KCNJ5: variants seen among roughly 807,000 people sequenced by gnomAD.
KCNJ5 encodes the protein G protein-activated inward rectifier potassium channel 4.
In KCNJ5, 12 loss-of-function variants were observed where a neutral mutation model predicts 20.2. That is an observed-to-expected ratio of 0.59 (90% CI 0.38 to 0.96). The LOEUF (loss-of-function observed/expected upper bound fraction) is 0.96, where lower values mean the gene tolerates loss of function less well. Ranked by LOEUF, KCNJ5 falls within the 40% of genes least tolerant of loss-of-function variation. KCNJ5 has a pLI of 0.00. For synonymous variants in KCNJ5, 210 were observed against 213.9 expected (o/e 0.98, Z 0.16); for missense variants, 449 against 557.6 (o/e 0.81, Z 1.96).
Position 128,911,991 on chromosome 11 carries a change from A to G in KCNJ5, c.718A>G (p.Lys240Glu), listed in dbSNP as rs1944510794. 1 of 1,605,304 alleles carries G rather than the reference A, an allele frequency of 6.2e-7. No individual in the cohort carries two copies. The highest frequency in any genetic ancestry group is 1.7e-5 in the Admixed American group (1 of 59,604). ...GGCCTCCATCCGGGCCAAGCTCATC[A>G]AGTCCCGGCAGACCAAAGAGGGGGA... Reference protein sequence around the residue: ...VEASIRAKLIKSRQTKEGEFI... With the variant: ...VEASIRAKLIESRQTKEGEFI... The change falls in exon 2 of 3, where the codon AAG becomes GAG. Residue 240 changes from lysine to glutamate, a missense_variant. Lys to Glu is a moderately conservative substitution (Grantham distance 56). Coordinates refer to ENST00000529694, the MANE Select transcript of KCNJ5 (RefSeq NM_000890.5). This position sits in a 1 kb window ranked among gnomAD's most constrained non-coding sequence, Gnocchi z 6.3.
At chr11:128,900,309 T>TTC (rs1277277430) in intron 1 of KCNJ5, 1 of 152,236 alleles carries the variant, frequency 6.6e-6, no homozygotes, top group African/African-American at 2.4e-5. Flanking sequence ...CATTTAATCC[T>TTC]TCTCTCTCTG....
At chr11:128,893,085 G>A (rs568826553) in intron 1 of KCNJ5, among the ~76,000 whole-genome samples, 12 of 152,204 alleles carry the variant, frequency 7.9e-5, no homozygotes, top group African/African-American at 2.7e-4. Flanking sequence ...TGAATGAGGC[G>A]CTCAGGCTTC....
rs1202938201 is a variant in KCNJ5, at chr11:128,911,185, G to A, written c.-10-79G>A. On this transcript the variant is annotated intron_variant, in intron 1 of 2. Coordinates refer to ENST00000529694, the MANE Select transcript of KCNJ5 (RefSeq NM_000890.5). The surrounding 1 kb of genome is among the most constrained non-coding windows in gnomAD (Gnocchi z 6.3). ...AGAAGAGAAGCCTGGGAGAGCCCCG[G>A]GGTGGGGGTGGCCTTCCATCTTGTG... is the stretch of plus-strand genomic sequence containing the variant. The A allele has an allele frequency of 1.7e-6, 2 of 1,148,888 alleles. No individual in the cohort carries two copies. Among genetic ancestry groups the A allele is most frequent in the Admixed American group, 3.6e-5 (2 of 55,130 alleles). The allele number at this position is 1,148,888 out of a possible 1,614,324, so 71.2% of individuals were successfully genotyped here. A position where few individuals can be genotyped will look rare whatever the true frequency, so the allele number is the denominator to read the frequency against.
In KCNJ5 at chr11:128,918,555, AACTGGCCTTTGAG is replaced by A. The variant is rs932872064; in HGVS notation, c.*1826_*1838del. On this transcript the variant is annotated 3_prime_UTR_variant, in exon 3 of 3. Coordinates refer to ENST00000529694, the MANE Select transcript of KCNJ5 (RefSeq NM_000890.5). ...CTCACCCACAGTATTCACAGCTCTC[AACTGGCCTTTGAG>A]AATGGAAGCCTTTTCCTGCCCTGGA... 3.3e-5 allele frequency: 5 copies of A among 152,306 alleles called. No individual in the cohort carries two copies. The highest frequency in any genetic ancestry group is 7.3e-5 in the Non-Finnish European group (5 of 68,108). The allele number at this position is 152,306 out of a possible 1,614,324, so 9.4% of individuals were successfully genotyped here. A position where few individuals can be genotyped will look rare whatever the true frequency, so the allele number is the denominator to read the frequency against.
intron 1 of KCNJ5, chr11:128,903,365 A>G (rs1408259038): frequency 1.2e-6 from 2 of 1,613,938 alleles, no homozygotes; most frequent in African/African-American, 1.3e-5. Context: ...AGCTGCACTC[A>G]CCTCACACAG....
chr11:128,895,377 C>T (rs1480049742), intron 1 of KCNJ5, among the ~76,000 whole-genome samples: 2 of 42,266 alleles, frequency 4.7e-5, no homozygotes, highest in Non-Finnish European at 9.8e-5. Context: ...TTAGAGTGTG[C>T]CCCCACCCCC....
chr11:128,912,497 G>A (rs1312665072), intron 2 of KCNJ5, among the ~76,000 whole-genome samples: 2 of 102,504 alleles, frequency 2.0e-5, no homozygotes, highest in Admixed American at 2.1e-4. Context: ...GTGGGTTATT[G>A]TTGTTGTTGT....
intron 1 of KCNJ5, among the ~76,000 whole-genome samples, chr11:128,898,330 T>C (rs915152452): frequency 1.9e-4 from 29 of 152,260 alleles, no homozygotes; most frequent in African/African-American, 7.0e-4. Context: ...GTTTCTTTCT[T>C]TGGCATTTTG....
rs540948816 is a variant in KCNJ5 at position 128,916,810 on chromosome 11, G to T, written c.*79G>T. 2 of 1,129,100 alleles carry T rather than the reference G, an allele frequency of 1.8e-6. No individual in the cohort carries two copies. Among genetic ancestry groups the T allele is most frequent in the African/African-American group, 3.1e-5 (2 of 63,736 alleles). The allele number at this position is 1,129,100 out of a possible 1,614,324, so 69.9% of individuals were successfully genotyped here. A position where few individuals can be genotyped will look rare whatever the true frequency, so the allele number is the denominator to read the frequency against. ...TGCAGAGCCTGGGAGCAGGGGAGGG[G>T]AATAGTTGAGTGTGCTGTTTGGGGG... On this transcript the variant is annotated 3_prime_UTR_variant, in exon 3 of 3. Transcript: ENST00000529694.
intron 1 of KCNJ5, chr11:128,903,226 T>C: frequency 1.9e-6 from 2 of 1,054,204 alleles, no homozygotes; most frequent in African/African-American, 1.6e-5. Flanking sequence ...TTTAAATGTT[T>C]CTCTACATCA....
At chr11:128,904,592 G>T in intron 1 of KCNJ5, 4 of 870,310 alleles carry the variant, frequency 4.6e-6, no homozygotes, top group Non-Finnish European at 6.0e-6. Context: ...GCAAAACCGC[G>T]GACTCTGGAA....
intron 1 of KCNJ5, among the ~76,000 whole-genome samples, chr11:128,908,348 G>A (rs543714395): frequency 2.0e-5 from 3 of 152,328 alleles, no homozygotes; most frequent in Admixed American, 2.0e-4. Flanking sequence ...ATTTATAGCA[G>A]AGTAAACTGA....
chr11:128,911,645 A>C lies in KCNJ5; in HGVS notation c.372A>C (p.Gln124His). The C allele has an allele frequency of 2.5e-6, 4 of 1,614,220 alleles. No individual in the cohort carries two copies. Among genetic ancestry groups the C allele is most frequent in the African/African-American group, 2.7e-5 (2 of 75,050 alleles). ...IRGDLDHVGDQEWIPCVENLS... is the reference protein window; with the variant it reads ...IRGDLDHVGDHEWIPCVENLS... ...GTGACCTGGACCATGTTGGCGACCA[A>C]GAGTGGATTCCTTGTGTTGAAAACC... The change falls in exon 2 of 3, where the codon CAA becomes CAC. Residue 124 changes from glutamine to histidine, a missense_variant. Physicochemically the swap from Gln to His is conservative, Grantham distance 24. This residue lies in a region of KCNJ5 where 203 missense variants were observed against 258.0 expected (regional missense o/e 0.79). Transcript: ENST00000529694. This position sits in a 1 kb window ranked among gnomAD's most constrained non-coding sequence, Gnocchi z 6.3.
chr11:128,892,622 C>T (rs1022695742), intron 1 of KCNJ5, among the ~76,000 whole-genome samples: 13 of 152,200 alleles, frequency 8.5e-5, no homozygotes, highest in African/African-American at 2.7e-4. Flanking sequence ...CCTCATTCTA[C>T]AGGTGAAAAA....
chr11:128,892,829 G>T (rs1482202657), intron 1 of KCNJ5, among the ~76,000 whole-genome samples: 1 of 152,174 alleles, frequency 6.6e-6, no homozygotes, highest in Non-Finnish European at 1.5e-5. Context: ...AGCTATATAC[G>T]TTTACATGAG....
chr11:128,902,117 G>T, intron 1 of KCNJ5: 1 of 183,964 alleles, frequency 5.4e-6, no homozygotes, highest in Non-Finnish European at 1.1e-5. Flanking sequence ...CATGCCTGGA[G>T]CCCCTGGGAG....
At chr11:128,916,274 A>AT in intron 2 of KCNJ5, 135 bp from the exon 3 acceptor site, 2 of 717,840 alleles carry the variant, frequency 2.8e-6, no homozygotes, top group Non-Finnish European at 2.5e-6. Flanking sequence ...GGATGGATGG[A>AT]TGGATGAACA....
intron 1 of KCNJ5, chr11:128,901,203 G>T (rs146957011): frequency 6.6e-6 from 1 of 152,228 alleles, no homozygotes; most frequent in South Asian, 2.1e-4. Flanking sequence ...AAGTCAGGCC[G>T]CTGTCAGTTC....
chr11:128,894,599 T>C (rs1175438666), intron 1 of KCNJ5, among the ~76,000 whole-genome samples: 1 of 152,166 alleles, frequency 6.6e-6, no homozygotes, highest in Non-Finnish European at 1.5e-5. Flanking sequence ...AGAATGGGAG[T>C]TCCAGTTCAA....
Sources: allele counts gnomAD v4.1 joint callset (sites outside exome capture counted in the v4.1 genomes callset), GRCh38; gene constraint gnomAD v4.1.1; regional missense constraint gnomAD v4.1.1; non-coding constraint Gnocchi (gnomAD v3.1); transcripts MANE v1.5; gene names NCBI Gene and HGNC (gene_info 2026-07-23, HGNC 2026-07-21).